NEB: variants seen among roughly 807,000 people sequenced by gnomAD.
NEB encodes nebulin.
NEB carries 512 observed loss-of-function variants against 952.2 expected under a neutral mutation model. The ratio of observed to expected loss-of-function variants is 0.54; its 90% CI spans 0.50 to 0.58. The LOEUF (loss-of-function observed/expected upper bound fraction) is 0.58. Among genes scored for constraint, NEB ranks in the 20% least tolerant of loss-of-function variants. The pLI is 0.00. For missense variants in NEB, 8,428 were observed against 9,231.1 expected (o/e 0.91, Z 3.56); for synonymous variants, 2,900 against 3,149.8 (o/e 0.92, Z 2.66).
rs749553879 is a variant in NEB, at chr2:151,662,169, A to T, written c.5936T>A (p.Val1979Asp). ...YSTLMDSMNM[V>D]LAQNNAKIMN... is the part of the protein sequence containing the mutation. The stretch of plus-strand genomic sequence containing the variant: ...AATTTTTGCATTATTCTGGGCCAAA[A>T]CCATGTTCATCGAGTCCATGAGTGT... Residue 1979 changes from valine (V) to aspartate (D), a missense_variant, in exon 46 of 182, where the codon GTT becomes GAT. Physicochemically the swap from Val to Asp is radical, Grantham distance 152 (BLOSUM62 -3). Coordinates refer to ENST00000397345, the MANE Select transcript of NEB (RefSeq NM_001164508.2). 5 of 1,613,300 alleles carry T rather than the reference A, an allele frequency of 3.1e-6. No individual in the cohort carries two copies. Among genetic ancestry groups the T allele is most frequent in the African/African-American group, 1.3e-5 (1 of 74,882 alleles).
intron 13 of NEB, among the ~76,000 whole-genome samples, chr2:151,699,026 C>A (rs2149439187): frequency 7.6e-6 from 1 of 131,756 alleles, no homozygotes. Context: ...CCCCTCCCCA[C>A]CACAGTCCCC....
intron 181 of NEB, among the ~76,000 whole-genome samples, chr2:151,488,029 T>C (rs1455022242): frequency 6.6e-6 from 1 of 152,160 alleles, no homozygotes; most frequent in African/African-American, 2.4e-5. Context: ...ACTAGCACTT[T>C]TATTTTTATA....
Position 151,568,654 on chromosome 2 carries a change from A to G in NEB, c.17598T>C (p.Tyr5866=). Residue 5866 remains tyrosine (Y), a synonymous_variant, in exon 111 of 182, where the codon TAT becomes TAC. Transcript: ENST00000397345. The stretch of plus-strand genomic sequence containing the variant: ...TCTCGCCACTTTGTTTCGCTGTCAC[A>G]TAATCAACTCTGTCATCCACAGGCG... ...NFTPVDDRVD[Y]VTAKQSGEIL... The G allele has an allele frequency of 6.2e-7, 1 of 1,610,236 alleles. No individual in the cohort carries two copies. The highest frequency in any genetic ancestry group is 8.5e-7 in the Non-Finnish European group (1 of 1,178,170).
rs1389657207 is a variant in NEB at position 151,609,972 on chromosome 2, GT to G, written c.12166del (p.Thr4056ProfsTer10). On this transcript the variant is annotated frameshift_variant, in exon 81 of 182. Coordinates refer to ENST00000397345, the MANE Select transcript of NEB (RefSeq NM_001164508.2). LOFTEE classifies it high-confidence loss of function. ...EYKKEFQKWK[T>X]KFSSPVDMLS... Reference sequence around the variant, plus strand: ...CATGTCCACTGGGCTAGAGAACTTGGTTTTCCACTTTTGGAATTCCTTCTTG... The same window carrying G: ...CATGTCCACTGGGCTAGAGAACTTGGTTTCCACTTTTGGAATTCCTTCTTG... 1 of 1,613,786 alleles carries G rather than the reference GT, an allele frequency of 6.2e-7. No individual in the cohort carries two copies. The highest frequency in any genetic ancestry group is 1.1e-5 in the South Asian group (1 of 91,086).
intron 72 of NEB, 73 bp from the exon 73 acceptor site, chr2:151,619,835 C>T (rs2098340605): frequency 5.5e-6 from 8 of 1,463,340 alleles, no homozygotes; most frequent in Non-Finnish European, 9.3e-7. Context: ...TGTGGTGGTG[C>T]TTTCTATGAA....
chr2:151,668,965 T>C (rs1006946235), intron 39 of NEB, 62 bp downstream of exon 39: 4 of 1,240,736 alleles, frequency 3.2e-6, no homozygotes, highest in African/African-American at 3.0e-5. Flanking sequence ...AGAGCAAGAG[T>C]TGCAAAGAAC....
intron 71 of NEB, among the ~76,000 whole-genome samples, chr2:151,623,090 A>G (rs927524864): frequency 2.6e-5 from 4 of 152,200 alleles, no homozygotes; most frequent in Admixed American, 1.3e-4. Context: ...ACCCCTTGGA[A>G]AGCCTTTGTG....
chr2:151,535,716 T>C lies in NEB; in HGVS notation c.21287A>G (p.Lys7096Arg). Residue 7096 changes from lysine (K) to arginine (R), a missense_variant, in exon 142 of 182, where the codon AAG becomes AGG. By Grantham distance (26) the Lys-to-Arg change is conservative. Coordinates refer to ENST00000397345, the MANE Select transcript of NEB (RefSeq NM_001164508.2). Reference protein sequence around the residue: ...VADSPINRHFKYATQLMNERK... With the variant: ...VADSPINRHFRYATQLMNERK... ...CTCATTCATCAATTGAGTTGCATAC[T>C]TGAAATGCCTATTGATCGGAGAGTC... 1 of 1,608,574 alleles carries C rather than the reference T, an allele frequency of 6.2e-7. No homozygotes were observed. Among genetic ancestry groups the C allele is most frequent in the Non-Finnish European group, 8.5e-7 (1 of 1,176,892 alleles).
intron 65 of NEB, among the ~76,000 whole-genome samples, chr2:151,632,677 G>GAA (rs761404681): frequency 9.9e-5 from 5 of 50,618 alleles, no homozygotes; most frequent in East Asian, 1.0e-3. Flanking sequence ...CTCTGTCTCA[G>GAA]AAAAAAAAAA....
chr2:151,628,862 C>T (rs918419800), intron 68 of NEB, among the ~76,000 whole-genome samples: 2 of 151,504 alleles, frequency 1.3e-5, no homozygotes, highest in Non-Finnish European at 2.9e-5. Context: ...GACTCTGAGA[C>T]TCTGTCTCAA....
In NEB at chr2:151,513,573, C is replaced by T. The variant is rs551898907; in HGVS notation, c.23241+7G>A. On this transcript the variant is annotated splice_region_variant and intron_variant, in intron 160 of 181. Coordinates refer to ENST00000397345, the MANE Select transcript of NEB (RefSeq NM_001164508.2). ...CTGAAAGATTGACATCGAATAGTAGCACTGACCTGACTGGCAATATCAGTA... is the reference window on the plus strand; with the variant it reads ...CTGAAAGATTGACATCGAATAGTAGTACTGACCTGACTGGCAATATCAGTA... 1.1e-5 allele frequency: 18 copies of T among 1,587,168 alleles called. 1 individual carries two copies. Among genetic ancestry groups the T allele is most frequent in the Non-Finnish European group, 1.5e-5 (18 of 1,161,306 alleles).
rs374468605 is a variant in NEB, at chr2:151,619,546, C to A, written c.10777G>T (p.Asp3593Tyr). 2 of 1,613,828 alleles carry A rather than the reference C, an allele frequency of 1.2e-6. No individual in the cohort carries two copies. The highest frequency in any genetic ancestry group is 2.7e-5 in the African/African-American group (2 of 74,902). Residue 3593 changes from aspartate (D) to tyrosine (Y), a missense_variant, in exon 73 of 182, where the codon GAT becomes TAT. Transcript: ENST00000397345. ...LAKKCQTLVSDVDYKHPLHEW... is the reference protein window; with the variant it reads ...LAKKCQTLVSYVDYKHPLHEW... ...TGCAGAGGATGTTTATAGTCCACAT[C>A]GCTGACCAAGGTCTGACACTTCTTG...
intron 107 of NEB, among the ~76,000 whole-genome samples, chr2:151,572,059 C>T (rs1375941478): frequency 4.6e-5 from 7 of 152,166 alleles, no homozygotes; most frequent in Non-Finnish European, 8.8e-5. Flanking sequence ...CAGTGGCTTA[C>T]GCCTATAATC....
chr2:151,630,837 AT>A lies in NEB; in HGVS notation c.9619-19del. ...TATAAACGCTATAAAAGAAGATAAG[AT>A]GCTGATTAAAAATCATTTGAAATAG... is the stretch of plus-strand genomic sequence containing the variant. On this transcript the variant is annotated intron_variant, in intron 66 of 181. Transcript: ENST00000397345. 6.5e-7 allele frequency: 1 copy of A among 1,542,814 alleles called. No homozygotes were observed. The highest frequency in any genetic ancestry group is 8.8e-7 in the Non-Finnish European group (1 of 1,136,750).
chr2:151,665,285 TG>T (rs1452745740), intron 42 of NEB, 47 bp downstream of exon 42: 3 of 1,567,522 alleles, frequency 1.9e-6, no homozygotes. Context: ...CTCAATGTCA[TG>T]AACACCATGA....
intron 73 of NEB, 139 bp downstream of exon 73, chr2:151,619,312 T>C (rs2098323963): frequency 2.0e-6 from 2 of 977,866 alleles, no homozygotes; most frequent in South Asian, 3.9e-5. Flanking sequence ...GTACCTCCAA[T>C]GGGAAACTCC....
chr2:151,734,113 A>T (rs2099815760), intron 1 of NEB, among the ~76,000 whole-genome samples: 1 of 152,186 alleles, frequency 6.6e-6, no homozygotes, highest in African/African-American at 2.4e-5. Flanking sequence ...CTTCTTTTTC[A>T]CACTAATATA....
chr2:151,531,695 CAGT>C, intron 144 of NEB, 94 bp downstream of exon 144: 1 of 885,440 alleles, frequency 1.1e-6, no homozygotes, highest in South Asian at 1.4e-5. Flanking sequence ...CACTAAATGG[CAGT>C]AGTCTCCCAG....
chr2:151,546,645 G>A (rs756529265), intron 133 of NEB, among the ~76,000 whole-genome samples: 6 of 146,542 alleles, frequency 4.1e-5, no homozygotes, highest in Non-Finnish European at 7.4e-5. Flanking sequence ...TGCAACCTCC[G>A]CCTCCCGAGT....
Sources: allele counts gnomAD v4.1 joint callset (sites outside exome capture counted in the v4.1 genomes callset), GRCh38; gene constraint gnomAD v4.1.1; transcripts MANE v1.5; gene names NCBI Gene and HGNC (gene_info 2026-07-23, HGNC 2026-07-21).